Variants in SHANK2 observed in about 807,000 individuals in gnomAD.
SHANK2 encodes the protein SH3 and multiple ankyrin repeat domains 2.
In SHANK2, 43 loss-of-function variants were observed where a neutral mutation model predicts 133.7. The ratio of observed to expected loss-of-function variants is 0.32; its 90% CI spans 0.25 to 0.41. SHANK2 has a LOEUF of 0.41. SHANK2 is among the 10% of genes least tolerant of loss of function. SHANK2 has a pLI of 1.00. For missense variants in SHANK2, 1,994 were observed against 2,235.8 expected, an observed-to-expected ratio of 0.89 and a Z score of 2.18; for synonymous variants, 1,017 against 952.8, an observed-to-expected ratio of 1.07 and a Z score of -1.24.
At chr11:70,712,715 G>A (rs782779706) in intron 14 of SHANK2, among the ~76,000 whole-genome samples, 3 of 152,218 alleles carry the variant, frequency 2.0e-5, no homozygotes, top group Non-Finnish European at 2.9e-5. Context: ...CCGCCAGCAC[G>A]ATGGTTCCTC....
intron 14 of SHANK2, among the ~76,000 whole-genome samples, chr11:70,720,744 AACATAC>A (rs1231270710): frequency 6.6e-4 from 100 of 151,408 alleles, no homozygotes; most frequent in African/African-American, 2.3e-3. Context: ...CACGCATGTG[AACATAC>A]ACACACACAT....
At chr11:70,740,086 AGCAG>A (rs1946489565) in intron 14 of SHANK2, among the ~76,000 whole-genome samples, 1 of 109,746 alleles carries the variant, frequency 9.1e-6, no homozygotes, top group Admixed American at 8.9e-5. Flanking sequence ...CCTGCCACAC[AGCAG>A]GTGCTCATGG....
At chr11:71,198,691 C>T (rs1454428136) in intron 2 of SHANK2, among the ~76,000 whole-genome samples, 8 of 152,162 alleles carry the variant, frequency 5.3e-5, no homozygotes, top group African/African-American at 1.9e-4. Context: ...TCAGTCCCAC[C>T]GGGGTCCCCT....
intron 15 of SHANK2, among the ~76,000 whole-genome samples, chr11:70,679,131 G>A (rs1006742118): frequency 5.3e-5 from 8 of 152,208 alleles, no homozygotes; most frequent in Non-Finnish European, 1.2e-4. Flanking sequence ...TGACCGCAAC[G>A]CTGGGCTCTG....
At chr11:70,530,643 A>ATACTG (rs1356836209) in intron 17 of SHANK2, among the ~76,000 whole-genome samples, 1 of 152,210 alleles carries the variant, frequency 6.6e-6, no homozygotes, top group Admixed American at 6.5e-5. Context: ...AGAAGGACTA[A>ATACTG]TACTGTGTGA....
chr11:70,613,836 C>T (rs1162361650), intron 17 of SHANK2, among the ~76,000 whole-genome samples: 2 of 139,816 alleles, frequency 1.4e-5, no homozygotes, highest in African/African-American at 5.3e-5. Context: ...ACAATCTCAG[C>T]TCACTGCAAC....
intron 11 of SHANK2, among the ~76,000 whole-genome samples, chr11:70,839,288 T>G (rs1555060918): frequency 6.6e-6 from 1 of 152,220 alleles, no homozygotes; most frequent in African/African-American, 2.4e-5. Context: ...GGAGGTGTCT[T>G]GGTTGCTTTA....
intron 17 of SHANK2, among the ~76,000 whole-genome samples, chr11:70,539,965 G>A (rs964347546): frequency 1.7e-4 from 26 of 152,122 alleles, no homozygotes; most frequent in African/African-American, 2.4e-5. Context: ...GCTTGGAGGA[G>A]CATCACCCCC....
intron 17 of SHANK2, chr11:70,635,220 T>A (rs951704108): frequency 6.6e-6 from 1 of 152,176 alleles, no homozygotes; most frequent in African/African-American, 2.4e-5. Context: ...CCGAAGGCAT[T>A]GACAGCGGGG....
intron 2 of SHANK2, among the ~76,000 whole-genome samples, chr11:71,219,690 A>G (rs1016234493): frequency 1.1e-4 from 16 of 152,018 alleles, no homozygotes; most frequent in African/African-American, 3.9e-4. Flanking sequence ...CACCAGTTCA[A>G]TATTAGCCTG....
intron 11 of SHANK2, among the ~76,000 whole-genome samples, chr11:70,839,118 T>C (rs1555060867): frequency 6.6e-6 from 1 of 152,262 alleles, no homozygotes; most frequent in South Asian, 2.1e-4. Flanking sequence ...CATGGGCTCA[T>C]CAATACATTT....
At chr11:70,677,504 G>A (rs1944924423) in intron 15 of SHANK2, among the ~76,000 whole-genome samples, 1 of 152,126 alleles carries the variant, frequency 6.6e-6, no homozygotes, top group Admixed American at 6.5e-5. Context: ...CTGTCTTTGT[G>A]ACCGGACCCT....
rs549076183 is a variant in SHANK2, at chr11:71,192,529, C to T, written c.-13+32168G>A. Among the ~76,000 whole-genome samples the T allele has an allele frequency of 2.0e-4, 31 of 152,312 alleles. No individual in the cohort carries two copies. In the South Asian group the frequency reaches 6.4e-3, roughly 32 times the overall value. ...CAGGATGACATTGGAAGGTCCCAGG[C>T]TGTCCCCACTGTAATTAGAAAGACC... is the stretch of plus-strand genomic sequence containing the variant. On this transcript the variant is annotated intron_variant, in intron 2 of 25. Coordinates refer to ENST00000601538, the MANE Select transcript of SHANK2 (RefSeq NM_012309.5).
intron 11 of SHANK2, among the ~76,000 whole-genome samples, chr11:70,890,895 C>G (rs1220354904): frequency 6.7e-6 from 1 of 150,140 alleles, no homozygotes; most frequent in African/African-American, 2.5e-5. Context: ...ACCCGGGAGG[C>G]GGAGGTTGCA....
At chr11:70,543,356 G>C (rs1554975603) in intron 17 of SHANK2, among the ~76,000 whole-genome samples, 3 of 152,182 alleles carry the variant, frequency 2.0e-5, no homozygotes, top group Admixed American at 2.0e-4. Context: ...GTTACCAAAA[G>C]AACCAATCCC....
intron 17 of SHANK2, among the ~76,000 whole-genome samples, chr11:70,548,395 C>T (rs1483283774): frequency 4.6e-5 from 7 of 152,350 alleles, no homozygotes; most frequent in African/African-American, 1.7e-4. Context: ...TCTAGGGCTG[C>T]CTAGCCCAAG....
chr11:71,125,004 T>A (rs576047141), intron 3 of SHANK2, among the ~76,000 whole-genome samples: 1 of 152,296 alleles, frequency 6.6e-6, no homozygotes, highest in South Asian at 2.1e-4. Flanking sequence ...ATGTTACTAT[T>A]GTCATTGTTC....
intron 17 of SHANK2, among the ~76,000 whole-genome samples, chr11:70,641,353 A>G (rs900335095): frequency 6.6e-6 from 1 of 152,182 alleles, no homozygotes; most frequent in East Asian, 1.9e-4. Flanking sequence ...TTGGCCTCCC[A>G]AAGTGCTGGG....
chr11:70,690,678 T>C (rs1204689056), intron 15 of SHANK2, among the ~76,000 whole-genome samples: 1 of 141,042 alleles, frequency 7.1e-6, no homozygotes, highest in Non-Finnish European at 1.5e-5. Context: ...CCCATAAATA[T>C]AAATATAAAT....
Sources: gnomAD v4.1 joint callset for allele counts (sites outside exome capture counted in the v4.1 genomes callset) on GRCh38, gnomAD v4.1.1 for gene constraint, MANE v1.5 for transcripts, NCBI Gene and HGNC (gene_info 2026-07-23, HGNC 2026-07-21) for gene names.